NTRK3: variants seen among roughly 807,000 people sequenced by gnomAD.
NTRK3 encodes the protein neurotrophic receptor tyrosine kinase 3, also known as NT-3 growth factor receptor.
In NTRK3, 24 loss-of-function variants were observed where a neutral mutation model predicts 91.7. The ratio of observed to expected loss-of-function variants is 0.26; its 90% CI spans 0.19 to 0.37. The LOEUF is 0.37. Ranked by LOEUF, NTRK3 falls within the 10% of genes least tolerant of loss-of-function variation. The pLI, the probability that NTRK3 is intolerant of heterozygous loss-of-function variation, is 1.00. For missense variants in NTRK3, 880 were observed against 1,068.9 expected (o/e 0.82, Z 2.46); for synonymous variants, 483 against 404.0 (o/e 1.20, Z -2.34).
intron 13 of NTRK3, among the ~76,000 whole-genome samples, chr15:88,114,301 A>T (rs184151909): frequency 4.9e-4 from 74 of 152,320 alleles, no homozygotes; most frequent in Admixed American, 1.5e-3. Context: ...AGATGAAATT[A>T]AAAAAATCCC....
intron 16 of NTRK3, among the ~76,000 whole-genome samples, chr15:87,930,587 C>T (rs1255838352): frequency 6.6e-6 from 1 of 152,106 alleles, no homozygotes; most frequent in Non-Finnish European, 1.5e-5. Flanking sequence ...CTCCAGCCTG[C>T]CTCTCAACAC....
At chr15:88,101,533 T>C (rs1025109467) in intron 13 of NTRK3, among the ~76,000 whole-genome samples, 57 of 152,306 alleles carry the variant, frequency 3.7e-4, no homozygotes, top group African/African-American at 1.3e-3. Context: ...ACCCAAAGGA[T>C]TATAAATCAT....
intron 12 of NTRK3, 27 bp from the exon 13 acceptor site, chr15:88,126,400 A>T: frequency 6.6e-7 from 1 of 1,521,444 alleles, no homozygotes; most frequent in Non-Finnish European, 9.1e-7. Context: ...ACAGAGAGTC[A>T]GCAACAATCA....
intron 17 of NTRK3, among the ~76,000 whole-genome samples, chr15:87,899,767 G>C (rs1056066727): frequency 2.6e-5 from 4 of 152,158 alleles, no homozygotes; most frequent in African/African-American, 9.7e-5. Context: ...TCATGGGAGA[G>C]GACATAAAGA....
rs1316841403 is a variant in NTRK3, at chr15:88,255,822, G to A, written c.248+84C>T. On this transcript the variant is annotated intron_variant, in intron 3 of 18. Transcript: ENST00000394480. The surrounding 1 kb of genome is among the most constrained non-coding windows in gnomAD (Gnocchi z 4.3). ...GGGCAGCGGCGAGCTGGGGCGGGCG[G>A]AGGGCCGGCTCCCGGCCGCGGGTGG... The A allele has an allele frequency of 8.0e-7, 1 of 1,254,334 alleles. No individual in the cohort carries two copies. The highest frequency in any genetic ancestry group is 1.6e-5 in the African/African-American group (1 of 64,012). 77.7% of individuals were successfully genotyped at this position (1,254,334 alleles called of 1,614,324 possible). A position where few individuals can be genotyped will look rare whatever the true frequency, so the allele number is the denominator to read the frequency against.
At chr15:88,239,042 T>A (rs1386077245) in intron 3 of NTRK3, among the ~76,000 whole-genome samples, 1 of 152,194 alleles carries the variant, frequency 6.6e-6, no homozygotes, top group Non-Finnish European at 1.5e-5. Flanking sequence ...CAGGCCTGAA[T>A]ACAGTGCTTA....
chr15:87,918,521 C>T (rs533234518), intron 17 of NTRK3, among the ~76,000 whole-genome samples: 6 of 152,294 alleles, frequency 3.9e-5, no homozygotes, highest in African/African-American at 1.2e-4. Context: ...AGATATCTTC[C>T]TAAAATTTAA....
intron 17 of NTRK3, among the ~76,000 whole-genome samples, chr15:87,905,988 T>C (rs1175800445): frequency 6.6e-6 from 1 of 152,204 alleles, no homozygotes; most frequent in African/African-American, 2.4e-5. Context: ...ACACATCTAC[T>C]GCTCCTGATC....
At chr15:87,992,520 T>C (rs1056681371) in intron 14 of NTRK3, among the ~76,000 whole-genome samples, 2 of 152,238 alleles carry the variant, frequency 1.3e-5, no homozygotes, top group Admixed American at 6.5e-5. Context: ...TACAATGAAA[T>C]GGTTCATGGA....
At chr15:87,941,456 C>T (rs771409921) in intron 14 of NTRK3, among the ~76,000 whole-genome samples, 3 of 144,832 alleles carry the variant, frequency 2.1e-5, no homozygotes, top group Non-Finnish European at 4.6e-5. Flanking sequence ...CACACGCATG[C>T]ACACACACAT....
chr15:87,877,779 G>A (rs759834325), intron 18 of NTRK3, among the ~76,000 whole-genome samples: 20 of 152,012 alleles, frequency 1.3e-4, no homozygotes, highest in Non-Finnish European at 2.8e-4. Flanking sequence ...CTTCTGGGTG[G>A]CCAGTTCAAG....
chr15:88,076,483 C>T (rs1293654236), intron 13 of NTRK3, among the ~76,000 whole-genome samples: 1 of 152,104 alleles, frequency 6.6e-6, no homozygotes, highest in African/African-American at 2.4e-5. Flanking sequence ...TCCCCTAGTG[C>T]ACCAGATGAG....
chr15:88,222,034 T>C (rs529527154), intron 3 of NTRK3, among the ~76,000 whole-genome samples: 3 of 152,308 alleles, frequency 2.0e-5, no homozygotes, highest in African/African-American at 7.2e-5. Flanking sequence ...CCTCAAAGCA[T>C]GAGCTAGAAA....
At chr15:87,926,187 A>G (rs1346796201) in intron 17 of NTRK3, among the ~76,000 whole-genome samples, 1 of 152,216 alleles carries the variant, frequency 6.6e-6, no homozygotes, top group Non-Finnish European at 1.5e-5. Context: ...TCCAATATGG[A>G]TAATAAGACT....
At chr15:88,094,708 C>G (rs1379370989) in intron 13 of NTRK3, among the ~76,000 whole-genome samples, 2 of 152,056 alleles carry the variant, frequency 1.3e-5, no homozygotes, top group African/African-American at 4.8e-5. Context: ...GCCTGGGGAC[C>G]ATCTGATGTC....
chr15:87,887,040 A>T (rs909648059), intron 17 of NTRK3, among the ~76,000 whole-genome samples: 3 of 152,134 alleles, frequency 2.0e-5, no homozygotes, highest in Non-Finnish European at 2.9e-5. Context: ...CTAAAAATTG[A>T]TGCTGGTGTG....
chr15:87,998,945 C>A (rs1247294512), intron 14 of NTRK3, among the ~76,000 whole-genome samples: 2 of 152,042 alleles, frequency 1.3e-5, no homozygotes, highest in Non-Finnish European at 2.9e-5. Context: ...ACCAGTAAGG[C>A]CCCAGAGGTG....
chr15:88,060,519 G>T (rs1005222514), intron 13 of NTRK3, among the ~76,000 whole-genome samples: 6 of 152,082 alleles, frequency 3.9e-5, no homozygotes, highest in African/African-American at 1.4e-4. Context: ...GGGGGCTAGC[G>T]TGACTGAGGG....
chr15:87,977,916 T>C (rs1032051296), intron 14 of NTRK3: 3 of 232,426 alleles, frequency 1.3e-5, no homozygotes. Flanking sequence ...ATAGACTCTA[T>C]TCTCTACTAG....
Sources: gnomAD v4.1 joint callset for allele counts (sites outside exome capture counted in the v4.1 genomes callset) on GRCh38, gnomAD v4.1.1 for gene constraint, Gnocchi (gnomAD v3.1) non-coding constraint, MANE v1.5 for transcripts, NCBI Gene and HGNC (gene_info 2026-07-23, HGNC 2026-07-21) for gene names.